WNT5B: variants seen among roughly 807,000 people sequenced by gnomAD.
WNT5B encodes the protein protein Wnt-5b.
In WNT5B, 18 loss-of-function variants were observed where a neutral mutation model predicts 36.5. The observed-to-expected ratio is 0.49, with a 90% CI of 0.34 to 0.73. The LOEUF is 0.73. Among genes scored for constraint, WNT5B ranks in the 30% least tolerant of loss-of-function variants. The pLI, the probability that WNT5B is intolerant of heterozygous loss-of-function variation, is 0.01. For synonymous variants in WNT5B, 213 were observed against 212.3 expected (o/e 1.00, Z -0.03); for missense variants, 424 against 508.4 (o/e 0.83, Z 1.60).
intron 3 of WNT5B, among the ~76,000 whole-genome samples, chr12:1,636,506 T>C (rs1400513615): frequency 4.2e-4 from 7 of 16,670 alleles, no homozygotes; most frequent in African/African-American, 1.3e-3. Context: ...TCTATATATA[T>C]ATATATATAT....
At chr12:1,642,722 T>G (rs2094577816) in intron 4 of WNT5B, among the ~76,000 whole-genome samples, 1 of 152,132 alleles carries the variant, frequency 6.6e-6, no homozygotes, top group Non-Finnish European at 1.5e-5. Flanking sequence ...AATTGTTTGT[T>G]GTCTTGTCCG....
In WNT5B at chr12:1,636,513, A is replaced by C. The variant is rs1296890550; in HGVS notation, c.329-3171A>C. Reference sequence around the variant, plus strand: ...TGTTGCAGTCTATATATATATATATATATATATATATATATATATATATAT... The same window carrying C: ...TGTTGCAGTCTATATATATATATATCTATATATATATATATATATATATAT... On this transcript the variant is annotated intron_variant, in intron 3 of 4. Transcript: ENST00000397196. Among the ~76,000 whole-genome samples, 13 of 58,368 alleles carry C rather than the reference A, an allele frequency of 2.2e-4. No individual in the cohort carries two copies. In the East Asian group the frequency reaches 0.022, roughly 99 times the overall value. The allele number at this position is 58,368 out of a possible 152,430, so 38.3% of individuals were successfully genotyped here.
intron 4 of WNT5B, among the ~76,000 whole-genome samples, chr12:1,642,022 C>T (rs1351028159): frequency 6.6e-6 from 1 of 152,132 alleles, no homozygotes; most frequent in African/African-American, 2.4e-5. Context: ...TTCCCCTATC[C>T]AGAGGCTATT....
chr12:1,638,452 C>T (rs1057183649), intron 3 of WNT5B, among the ~76,000 whole-genome samples: 2 of 152,308 alleles, frequency 1.3e-5, no homozygotes, highest in African/African-American at 4.8e-5. Context: ...TTCCCACCCA[C>T]AGTATGGGAG....
In WNT5B at chr12:1,632,930, C is replaced by A; in HGVS notation, c.328+25C>A. The A allele has an allele frequency of 1.3e-6, 2 of 1,587,178 alleles. No homozygotes were observed. Among genetic ancestry groups the A allele is most frequent in the South Asian group, 1.1e-5 (1 of 88,394 alleles). The stretch of plus-strand genomic sequence containing the variant: ...GGTAAGAGGCCATTACAAGAGGGCT[C>A]GGCCAAGGAACTGCACTCGTCTCGT... On this transcript the variant is annotated intron_variant, in intron 3 of 4. Coordinates refer to ENST00000397196, the MANE Select transcript of WNT5B (RefSeq NM_032642.3). The surrounding 1 kb of genome is among the most constrained non-coding windows in gnomAD (Gnocchi z 5.8).
At chr12:1,642,636 G>C (rs1474285109) in intron 4 of WNT5B, among the ~76,000 whole-genome samples, 1 of 152,186 alleles carries the variant, frequency 6.6e-6, no homozygotes, top group Non-Finnish European at 1.5e-5. Context: ...TGTGGTGTCT[G>C]CACGTGCCTG....
At position 1,632,850 on chromosome 12, in the gene WNT5B, G is replaced by A. The variant is rs2094553560; in HGVS notation, c.273G>A (p.Arg91=). The part of the protein sequence containing the change: ...KECQHQFRQR[R]WNCSTADNAS... Reference sequence around the variant, plus strand: ...GCCAGCACCAGTTCCGGCAGCGGCGGTGGAATTGCAGCACAGCGGACAACG... The same window carrying A: ...GCCAGCACCAGTTCCGGCAGCGGCGATGGAATTGCAGCACAGCGGACAACG... The change falls in exon 3 of 5, where the codon CGG becomes CGA. Residue 91 remains arginine, a synonymous_variant. Transcript: ENST00000397196. The surrounding 1 kb of genome is among the most constrained non-coding windows in gnomAD (Gnocchi z 5.8). The A allele has an allele frequency of 1.9e-6, 3 of 1,614,162 alleles. No homozygotes were observed. The highest frequency in any genetic ancestry group is 1.3e-5 in the African/African-American group (1 of 75,066).
chr12:1,632,375 C>T lies in WNT5B; in HGVS notation c.81-283C>T, dbSNP rs2094552535. Among the ~76,000 whole-genome samples, 1 of 152,176 alleles carries T rather than the reference C, an allele frequency of 6.6e-6. No individual in the cohort carries two copies. Among genetic ancestry groups the T allele is most frequent in the Admixed American group, 6.5e-5 (1 of 15,276 alleles). ...TGGCCATTTCCTTATAAAGGCTTCT[C>T]TTCAGCCATAAGGGCTATTTTCCTA... On this transcript the variant is annotated intron_variant, in intron 2 of 4. Transcript: ENST00000397196. The surrounding 1 kb of genome is among the most constrained non-coding windows in gnomAD (Gnocchi z 5.8).
At position 1,632,694 on chromosome 12, in the gene WNT5B, G is replaced by T. The variant is rs756829447; in HGVS notation, c.117G>T (p.Met39Ile). 5.0e-6 allele frequency: 8 copies of T among 1,611,518 alleles called. No homozygotes were observed. The highest frequency in any genetic ancestry group is 6.8e-6 in the Non-Finnish European group (8 of 1,177,770). The change falls in exon 3 of 5, where the codon ATG (methionine) becomes ATT (isoleucine). Residue 39 changes from methionine (M) to isoleucine (I), a missense_variant. Transcript: ENST00000397196. The surrounding 1 kb of genome is among the most constrained non-coding windows in gnomAD (Gnocchi z 5.8). ...TGAACCCGGTGCAGAGACCCGAGAT[G>T]TTTATCATCGGTGCCCAGCCCGTGT... is the stretch of plus-strand genomic sequence containing the variant. ...LALNPVQRPE[M>I]FIIGAQPVCS...
At chr12:1,643,967 C>T (rs2094580663) in intron 4 of WNT5B, among the ~76,000 whole-genome samples, 2 of 152,082 alleles carry the variant, frequency 1.3e-5, no homozygotes, top group South Asian at 4.1e-4. Flanking sequence ...GGTCCTTGCC[C>T]TGCAGGGTCT....
At chr12:1,643,382 G>A (rs2094578930) in intron 4 of WNT5B, among the ~76,000 whole-genome samples, 1 of 151,854 alleles carries the variant, frequency 6.6e-6, no homozygotes, top group African/African-American at 2.4e-5. Context: ...CTTTTTTTTT[G>A]AGACGGAGTT....
intron 4 of WNT5B, among the ~76,000 whole-genome samples, chr12:1,642,422 G>A (rs1425358345): frequency 1.3e-5 from 2 of 152,210 alleles, no homozygotes; most frequent in Non-Finnish European, 2.9e-5. Context: ...GCTCTTCTCA[G>A]GTATTCCTTA....
chr12:1,639,590 C>G, intron 3 of WNT5B, 94 bp from the exon 4 acceptor site: 4 of 1,360,446 alleles, frequency 2.9e-6, no homozygotes, highest in Non-Finnish European at 3.8e-6. Flanking sequence ...TCAGCAGAGC[C>G]GTGGCGTGCG....
At chr12:1,643,291 C>A (rs1300345829) in intron 4 of WNT5B, among the ~76,000 whole-genome samples, 2 of 152,210 alleles carry the variant, frequency 1.3e-5, no homozygotes, top group African/African-American at 2.4e-5. Flanking sequence ...TGTCACCAGG[C>A]TCAGCACACC....
At chr12:1,627,910 C>T (rs1340654982), upstream of WNT5B, among the ~76,000 whole-genome samples, 2 of 152,160 alleles carry the variant, frequency 1.3e-5, no homozygotes, top group African/African-American at 2.4e-5. This position sits in a 1 kb window ranked among gnomAD's most constrained non-coding sequence, Gnocchi z 5.0. Flanking sequence ...ACTTATGATA[C>T]ATTTGTTTGT....
chr12:1,620,741 G>T lies in WNT5B; in HGVS notation c.-58+3598G>T, dbSNP rs375765178. Among the ~76,000 whole-genome samples, 742 of 126,174 alleles carry T rather than the reference G, an allele frequency of 5.9e-3. 7 individuals are homozygous for T. The highest frequency in any genetic ancestry group is 0.041 in the Middle Eastern group (7 of 170). 82.8% of individuals were successfully genotyped at this position (126,174 alleles called of 152,430 possible). A position where few individuals can be genotyped will look rare whatever the true frequency, so the allele number is the denominator to read the frequency against. On this transcript the variant is annotated intron_variant, in intron 1 of 4. Transcript: ENST00000310594. ...TTTTTTTTAGACGGAGTCTCGCTCT[G>T]TGGCCAGGCTGGGGTGCAATGGCAC...
At chr12:1,623,412 G>C (rs944804753) in intron 1 of WNT5B, among the ~76,000 whole-genome samples, 7 of 151,650 alleles carry the variant, frequency 4.6e-5, no homozygotes, top group Non-Finnish European at 7.4e-5. Context: ...AGCCAGGATG[G>C]TCTCCATCTC....
At chr12:1,639,542 T>C in intron 3 of WNT5B, 142 bp from the exon 4 acceptor site, 1 of 863,454 alleles carries the variant, frequency 1.2e-6, no homozygotes. Context: ...TTCCAAGCGT[T>C]AGAGCTACGG....
chr12:1,620,618 A>C (rs1408326937), intron 1 of WNT5B, among the ~76,000 whole-genome samples: 1 of 151,396 alleles, frequency 6.6e-6, no homozygotes, highest in Non-Finnish European at 1.5e-5. Context: ...GGCTTACTGC[A>C]ACCTCCGCCT....
Sources: gnomAD v4.1 joint callset for allele counts (sites outside exome capture counted in the v4.1 genomes callset) on GRCh38, gnomAD v4.1.1 for gene constraint, Gnocchi (gnomAD v3.1) non-coding constraint, MANE v1.5 for transcripts, NCBI Gene and HGNC (gene_info 2026-07-23, HGNC 2026-07-21) for gene names.